NTN4: variants seen among roughly 807,000 people sequenced by gnomAD.
NTN4 encodes netrin 4.
NTN4 carries 32 observed loss-of-function variants against 73.6 expected under a neutral mutation model. The observed-to-expected ratio is 0.44, with a 90% CI of 0.33 to 0.58. The LOEUF (loss-of-function observed/expected upper bound fraction) is 0.58, where lower values mean the gene tolerates loss of function less well. Among genes scored for constraint, NTN4 ranks in the 20% least tolerant of loss-of-function variants. The pLI, the probability that NTN4 is intolerant of heterozygous loss-of-function variation, is 0.04. For synonymous variants in NTN4, 258 were observed against 287.5 expected (o/e 0.90, Z 1.04); for missense variants, 654 against 798.3 (o/e 0.82, Z 2.18).
At chr12:95,724,515 G>A (rs1348406453) in intron 3 of NTN4, among the ~76,000 whole-genome samples, 1 of 152,202 alleles carries the variant, frequency 6.6e-6, no homozygotes, top group Non-Finnish European at 1.5e-5. Context: ...AAGGCACTCT[G>A]ATTTTAAGAC....
chr12:95,766,344 T>A (rs1414219219), intron 2 of NTN4, among the ~76,000 whole-genome samples: 1 of 152,226 alleles, frequency 6.6e-6, no homozygotes, highest in African/African-American at 2.4e-5. Flanking sequence ...GACAGTTAAA[T>A]GGGATATTCA....
At chr12:95,731,383 C>T (rs908951008) in intron 3 of NTN4, among the ~76,000 whole-genome samples, 6 of 152,118 alleles carry the variant, frequency 3.9e-5, no homozygotes, top group Non-Finnish European at 7.4e-5. Context: ...GCCTGGCCAA[C>T]ATGGTGAAAC....
chr12:95,684,124 A>G (rs1465012148), intron 5 of NTN4, among the ~76,000 whole-genome samples: 4 of 152,178 alleles, frequency 2.6e-5, no homozygotes, highest in Non-Finnish European at 5.9e-5. Context: ...TGAAAGGTCA[A>G]AGAAGATGGG....
At chr12:95,661,475 A>C (rs2078137378) in intron 9 of NTN4, among the ~76,000 whole-genome samples, 1 of 152,238 alleles carries the variant, frequency 6.6e-6, no homozygotes, top group Non-Finnish European at 1.5e-5. Context: ...AGAATGCTAC[A>C]TAATATCACA....
intron 7 of NTN4, chr12:95,673,214 CGTTTTAGCCATTTTT>C (rs2078247688): frequency 2.3e-6 from 1 of 440,244 alleles, no homozygotes; most frequent in African/African-American, 2.0e-5. Context: ...CTCCCATTTT[CGTTTTAGCCATTTTT>C]GTCTCCTGCA....
At chr12:95,777,355 G>T (rs1276586497) in intron 2 of NTN4, among the ~76,000 whole-genome samples, 1 of 151,974 alleles carries the variant, frequency 6.6e-6, no homozygotes, top group Admixed American at 6.6e-5. Context: ...CAATTAAAAG[G>T]CACAGACTGG....
At chr12:95,735,484 T>C (rs1257584899) in intron 3 of NTN4, among the ~76,000 whole-genome samples, 1 of 152,154 alleles carries the variant, frequency 6.6e-6, no homozygotes, top group Non-Finnish European at 1.5e-5. Flanking sequence ...AGCAAACTAA[T>C]ATTATTTTAA....
chr12:95,667,865 A>G (rs2078194385), intron 8 of NTN4, among the ~76,000 whole-genome samples: 1 of 106,912 alleles, frequency 9.4e-6, no homozygotes, highest in Admixed American at 9.8e-5. Context: ...ATCTCTCAAA[A>G]ATAAATAAAT....
In NTN4 at chr12:95,659,181, C is replaced by T. The variant is rs766199487; in HGVS notation, c.1792G>A (p.Gly598Ser). ...CTTTTCATATTCACAATTAGTTTGC[C>T]TGTTCTTATATCCTCATGTCCTGCT... The part of the protein sequence containing the change: ...LVAGHEDIRT[G>S]KLIVNMKSFV... Residue 598 changes from glycine (G) to serine (S), a missense_variant, in exon 10 of 10, where the codon GGC becomes AGC. Physicochemically the swap from Gly to Ser is moderately conservative, Grantham distance 56. Coordinates refer to ENST00000343702, the MANE Select transcript of NTN4 (RefSeq NM_021229.4). 16 of 1,613,680 alleles carry T rather than the reference C, an allele frequency of 9.9e-6. No individual in the cohort carries two copies. Among genetic ancestry groups the T allele is most frequent in the Non-Finnish European group, 1.4e-5 (16 of 1,179,844 alleles).
At position 95,744,527 on chromosome 12, in the gene NTN4, ATATAG is replaced by A. The variant is rs796757153; in HGVS notation, c.586-6388_586-6384del. 1.6e-4 allele frequency among the ~76,000 whole-genome samples: 25 copies of A among 152,312 alleles called. 1 individual carries two copies. The highest frequency in any genetic ancestry group is 6.0e-4 in the African/African-American group (25 of 41,578). On this transcript the variant is annotated intron_variant, in intron 2 of 9. Coordinates refer to ENST00000343702, the MANE Select transcript of NTN4 (RefSeq NM_021229.4). ...TGATTGATGATATTTACCACTTCAC[ATATAG>A]TATAAGAAACTAAGAAGAGTATACT...
intron 2 of NTN4, among the ~76,000 whole-genome samples, chr12:95,762,021 TTATATA>T (rs778005457): frequency 1.3e-5 from 2 of 152,044 alleles, no homozygotes; most frequent in Non-Finnish European, 1.5e-5. Context: ...ATTATTCATA[TTATATA>T]TGTTAAACAC....
At chr12:95,785,141 A>G (rs2079158543) in intron 2 of NTN4, among the ~76,000 whole-genome samples, 1 of 152,128 alleles carries the variant, frequency 6.6e-6, no homozygotes, top group African/African-American at 2.4e-5. Context: ...TAATTGCTGG[A>G]CTGTGGCAAT....
At position 95,767,632 on chromosome 12, in the gene NTN4, A is replaced by T. The variant is rs76544660; in HGVS notation, c.585+19307T>A. 9.8e-3 allele frequency among the ~76,000 whole-genome samples: 1,487 copies of T among 152,308 alleles called. 43 individuals are homozygous for T. Among genetic ancestry groups the T allele is most frequent in the East Asian group, 0.087 (452 of 5,180 alleles). ...TTTCAGAATCACAAAACAACTCCCC[A>T]TGCAACGAACTCAGCATTGTGACAA... On this transcript the variant is annotated intron_variant, in intron 2 of 9. Transcript: ENST00000343702.
chr12:95,666,416 G>A (rs537889031), intron 8 of NTN4, among the ~76,000 whole-genome samples: 28 of 152,098 alleles, frequency 1.8e-4, no homozygotes, highest in African/African-American at 5.8e-4. Context: ...CAAAACTATT[G>A]AAATAAAATA....
At chr12:95,776,330 A>C (rs1040701036) in intron 2 of NTN4, among the ~76,000 whole-genome samples, 3 of 152,220 alleles carry the variant, frequency 2.0e-5, no homozygotes, top group African/African-American at 7.2e-5. Flanking sequence ...TGATGAGTTG[A>C]GAGAAGAAGG....
chr12:95,679,928 A>T (rs1366156073), intron 7 of NTN4, among the ~76,000 whole-genome samples: 1 of 151,990 alleles, frequency 6.6e-6, no homozygotes, highest in East Asian at 1.9e-4. Context: ...GGCTTTAAAG[A>T]CTTGCTGTAT....
intron 5 of NTN4, among the ~76,000 whole-genome samples, chr12:95,703,356 T>C (rs897037974): frequency 6.6e-6 from 1 of 152,170 alleles, no homozygotes; most frequent in Admixed American, 6.5e-5. Flanking sequence ...CACTTGGAAA[T>C]GGGGAACAAA....
chr12:95,726,826 C>T (rs777467921), intron 3 of NTN4, among the ~76,000 whole-genome samples: 8 of 152,080 alleles, frequency 5.3e-5, no homozygotes, highest in South Asian at 4.2e-4. Context: ...AAAAATTAGC[C>T]GGGCATGGTG....
At chr12:95,787,619 GT>G in intron 1 of NTN4, 151 bp from the exon 2 acceptor site, 1 of 693,268 alleles carries the variant, frequency 1.4e-6, no homozygotes, top group Non-Finnish European at 2.4e-6. Flanking sequence ...CCATGTTCCT[GT>G]TTGAGCATGA....
Sources: gnomAD v4.1 joint callset for allele counts (sites outside exome capture counted in the v4.1 genomes callset) on GRCh38, gnomAD v4.1.1 for gene constraint, MANE v1.5 for transcripts, NCBI Gene and HGNC (gene_info 2026-07-23, HGNC 2026-07-21) for gene names.